Variants in PGAM5 observed in about 807,000 individuals in gnomAD.
The protein encoded by PGAM5 is serine/threonine-protein phosphatase PGAM5, mitochondrial.
Under a neutral mutation model 30.6 loss-of-function variants are expected in PGAM5, and 25 were observed. The ratio of observed to expected loss-of-function variants is 0.82; its 90% CI spans 0.60 to 1.14. PGAM5 has a LOEUF of 1.14. PGAM5 is among the 50% of genes most tolerant of loss of function. The pLI, the probability that PGAM5 is intolerant of heterozygous loss-of-function variation, is 0.00. For synonymous variants in PGAM5, 201 were observed against 179.1 expected, an observed-to-expected ratio of 1.12 and a Z score of -0.98; for missense variants, 384 against 408.5, an observed-to-expected ratio of 0.94 and a Z score of 0.52.
In PGAM5 at chr12:132,717,780, T is replaced by C. The variant is rs577120390; in HGVS notation, c.567T>C (p.His189=). ...TCGAGCCAGACCCGCCCGTGTCTCA[T>C]TGGAAGCCGGAAGCTGTGGTAAAAA... ...APIEPDPPVS[H]WKPEAVQYYE... The change falls in exon 4 of 6, where the codon CAT becomes CAC. Residue 189 remains histidine (H), a synonymous_variant. Transcript: ENST00000498926. The C allele has an allele frequency of 4.7e-5, 75 of 1,588,258 alleles. No individual in the cohort carries two copies. The East Asian group carries it at 5.5e-4, about 12-fold the overall frequency.
At chr12:132,720,530 A>G (rs1377879019) in intron 5 of PGAM5, 148 bp from the exon 6 acceptor site, 6 of 726,284 alleles carry the variant, frequency 8.3e-6, no homozygotes, top group Non-Finnish European at 1.3e-5. Context: ...GATGGTCTCG[A>G]TCTCCTGACC....
chr12:132,719,238 T>C, intron 5 of PGAM5: 1 of 1,130,614 alleles, frequency 8.8e-7, no homozygotes, highest in Non-Finnish European at 1.1e-6. Flanking sequence ...CTCTTGAGTG[T>C]GACGAGTCCT....
At position 132,717,695 on chromosome 12, in the gene PGAM5, T is replaced by C; in HGVS notation, c.497-15T>C. 5 of 1,566,918 alleles carry C rather than the reference T, an allele frequency of 3.2e-6. No individual in the cohort carries two copies. Among genetic ancestry groups the C allele is most frequent in the Non-Finnish European group, 4.3e-6 (5 of 1,155,440 alleles). ...GGGGCCGCCTCACCCAGCGCTTCGC[T>C]GTGCTTCTCTGCAGGCGTCTGCAAA... On this transcript the variant is annotated splice_polypyrimidine_tract_variant and intron_variant, in intron 3 of 5. Transcript: ENST00000498926.
rs550724872 is a variant in PGAM5 at position 132,720,654 on chromosome 12, TTCTC to T, written c.720-9_720-6del. ...GAGCCCCCTGGCTCTAACGTGCTCT[TTCTC>T]TCTCTCTCTCTCTCCCCAGAGCACT... On this transcript the variant is annotated intron_variant, in intron 5 of 5. Transcript: ENST00000498926. 257 of 1,430,368 alleles carry T rather than the reference TTCTC, an allele frequency of 1.8e-4. 1 individual carries two copies. The highest frequency in any genetic ancestry group is 3.0e-4 in the African/African-American group (21 of 70,186). The allele number at this position is 1,430,368 out of a possible 1,614,324, so 88.6% of individuals were successfully genotyped here. A position where few individuals can be genotyped will look rare whatever the true frequency, so the allele number is the denominator to read the frequency against.
Position 132,722,443 on chromosome 12 carries a change from T to G in PGAM5, c.*1615T>G, listed in dbSNP as rs1165448074. 6.6e-6 allele frequency: 1 copy of G among 151,456 alleles called. No homozygotes were observed. Among genetic ancestry groups the G allele is most frequent in the African/African-American group, 2.4e-5 (1 of 41,228 alleles). The allele number at this position is 151,456 out of a possible 1,614,324, so 9.4% of individuals were successfully genotyped here. A position where few individuals can be genotyped will look rare whatever the true frequency, so the allele number is the denominator to read the frequency against. Reference sequence around the variant, plus strand: ...TTTTTTATTTTTAGTAGAGATGGGGTTTCACCGTGTTGGCCAGGCTGGTCT... The same window carrying G: ...TTTTTTATTTTTAGTAGAGATGGGGGTTCACCGTGTTGGCCAGGCTGGTCT... On this transcript the variant is annotated 3_prime_UTR_variant, in exon 6 of 6. Transcript: ENST00000498926.
intron 5 of PGAM5, chr12:132,719,080 C>T (rs2043617964): frequency 1.4e-6 from 2 of 1,406,094 alleles, no homozygotes; most frequent in Non-Finnish European, 1.8e-6. Context: ...TAGAGGGCCC[C>T]TTGGGGGGCA....
chr12:132,710,897 G>C lies in PGAM5; in HGVS notation c.21G>C (p.Leu7=). The change falls in exon 1 of 6, where the codon CTG becomes CTC. Residue 7 remains leucine, a synonymous_variant. Transcript: ENST00000498926. The part of the protein sequence containing the change: MAFRQA[L]QLAACGLAGG... ...GCGGCATGGCGTTCCGGCAGGCGCT[G>C]CAGCTGGCGGCCTGCGGGCTGGCCG... 8.8e-7 allele frequency: 1 copy of C among 1,142,214 alleles called. No homozygotes were observed. Among genetic ancestry groups the C allele is most frequent in the Non-Finnish European group, 1.1e-6 (1 of 932,024 alleles). 70.8% of individuals were successfully genotyped at this position (1,142,214 alleles called of 1,614,324 possible).
chr12:132,717,983 C>T lies in PGAM5; in HGVS notation c.586-4C>T. The T allele has an allele frequency of 6.2e-7, 1 of 1,612,712 alleles. No homozygotes were observed. Among genetic ancestry groups the T allele is most frequent in the Non-Finnish European group, 8.5e-7 (1 of 1,179,958 alleles). On this transcript the variant is annotated splice_polypyrimidine_tract_variant and splice_region_variant and intron_variant, in intron 4 of 5. Coordinates refer to ENST00000498926, the MANE Select transcript of PGAM5 (RefSeq NM_001170543.2). ...GCACTGACGGCTCCTCACTCTGCCC[C>T]CAGCAGTATTACGAAGACGGAGCCC...
chr12:132,719,556 T>C (rs2043622439), intron 5 of PGAM5, among the ~76,000 whole-genome samples: 1 of 152,188 alleles, frequency 6.6e-6, no homozygotes, highest in Admixed American at 6.5e-5. Context: ...ATGGGTGGCT[T>C]CTATGCTGCC....
At chr12:132,711,536 C>T (rs2043522818) in intron 1 of PGAM5, 1 of 152,276 alleles carries the variant, frequency 6.6e-6, no homozygotes, top group African/African-American at 2.4e-5. Context: ...GCCTGTAATC[C>T]CAGCGTTTGG....
intron 5 of PGAM5, chr12:132,718,866 C>G (rs368156263): frequency 6.2e-7 from 1 of 1,611,772 alleles, no homozygotes; most frequent in Non-Finnish European, 8.5e-7. Context: ...CGTGACGGCT[C>G]GGGGTGTCCG....
In PGAM5 at chr12:132,720,606, T is replaced by C; in HGVS notation, c.720-72T>C. On this transcript the variant is annotated intron_variant, in intron 5 of 5. Transcript: ENST00000498926. ...CAGGTGTGAGCCACCATGCCCGGCC[T>C]AGCTCAGCCCGTTTTAAGGACAGAG... is the stretch of plus-strand genomic sequence containing the variant. 3 of 1,470,286 alleles carry C rather than the reference T, an allele frequency of 2.0e-6. No individual in the cohort carries two copies. In the South Asian group the frequency reaches 4.0e-5, roughly 19 times the overall value. 91.1% of individuals were successfully genotyped at this position (1,470,286 alleles called of 1,614,324 possible). A position where few individuals can be genotyped will look rare whatever the true frequency, so the allele number is the denominator to read the frequency against.
chr12:132,715,893 C>G (rs1435782629), intron 2 of PGAM5, among the ~76,000 whole-genome samples: 1 of 152,176 alleles, frequency 6.6e-6, no homozygotes, highest in Admixed American at 6.5e-5. Context: ...AAAAAAAGCC[C>G]TTAACTTTTA....
At chr12:132,712,763 TTC>T (rs2043535429) in intron 1 of PGAM5, among the ~76,000 whole-genome samples, 1 of 151,780 alleles carries the variant, frequency 6.6e-6, no homozygotes, top group Non-Finnish European at 1.5e-5. Context: ...GCCTGTTATA[TTC>T]TTTTTTAAAA....
In PGAM5 at chr12:132,718,088, T is replaced by C; in HGVS notation, c.687T>C (p.Cys229=). 6.2e-7 allele frequency: 1 copy of C among 1,612,742 alleles called. No individual in the cohort carries two copies. Among genetic ancestry groups the C allele is most frequent in the South Asian group, 1.1e-5 (1 of 91,076 alleles). The change falls in exon 5 of 6, where the codon TGT becomes TGC. Residue 229 remains cysteine (C), a synonymous_variant. Coordinates refer to ENST00000498926, the MANE Select transcript of PGAM5 (RefSeq NM_001170543.2). ...QEEDSYEIFI[C]HANVIRYIVC... is the part of the protein sequence containing the mutation. ...AGGACAGTTACGAGATCTTCATCTGTCACGCCAACGTCATCCGCTACATCG... is the reference window on the plus strand; with the variant it reads ...AGGACAGTTACGAGATCTTCATCTGCCACGCCAACGTCATCCGCTACATCG...
At chr12:132,718,813 T>G (rs778149562) in intron 5 of PGAM5, 34 of 1,613,522 alleles carry the variant, frequency 2.1e-5, no homozygotes, top group Middle Eastern at 3.3e-4. Context: ...GGTCCTGACC[T>G]CTTTCACTTG....
In PGAM5 at chr12:132,718,134, G is replaced by C; in HGVS notation, c.719+14G>C. 2 of 1,612,350 alleles carry C rather than the reference G, an allele frequency of 1.2e-6. No homozygotes were observed. Among genetic ancestry groups the C allele is most frequent in the Non-Finnish European group, 1.7e-6 (2 of 1,179,842 alleles). On this transcript the variant is annotated intron_variant, in intron 5 of 5. Coordinates refer to ENST00000498926, the MANE Select transcript of PGAM5 (RefSeq NM_001170543.2). ...CATCGTGTGCAGGTAGGCAGCTGCTGGGCTGGGCGTGGTCTAAAATAATTT... is the reference window on the plus strand; with the variant it reads ...CATCGTGTGCAGGTAGGCAGCTGCTCGGCTGGGCGTGGTCTAAAATAATTT...
At chr12:132,719,006 GT>G in intron 5 of PGAM5, 1 of 1,435,698 alleles carries the variant, frequency 7.0e-7, no homozygotes, top group Non-Finnish European at 9.1e-7. Flanking sequence ...TTCAGGTTGC[GT>G]TTTCCCTGCC....
chr12:132,716,271 G>A (rs1197132369), intron 2 of PGAM5, among the ~76,000 whole-genome samples: 5 of 152,086 alleles, frequency 3.3e-5, no homozygotes, highest in African/African-American at 1.2e-4. Context: ...ATTTTTAGTA[G>A]AGACGGGGTT....
Sources: allele counts gnomAD v4.1 joint callset (sites outside exome capture counted in the v4.1 genomes callset), GRCh38; gene constraint gnomAD v4.1.1; transcripts MANE v1.5; gene names NCBI Gene and HGNC (gene_info 2026-07-23, HGNC 2026-07-21).